Variants in PEBP1 observed in about 807,000 individuals in gnomAD.
PEBP1 encodes the protein phosphatidylethanolamine binding protein 1, also known as phosphatidylethanolamine-binding protein 1.
PEBP1 carries 17 observed loss-of-function variants against 22.7 expected under a neutral mutation model. The observed-to-expected ratio is 0.75, with a 90% CI of 0.51 to 1.12. The LOEUF is 1.12. Among genes scored for constraint, PEBP1 ranks in the 50% most tolerant of loss-of-function variants. PEBP1 has a pLI of 0.00. For synonymous variants in PEBP1, 106 were observed against 104.3 expected, an observed-to-expected ratio of 1.02 and a Z score of -0.10; for missense variants, 205 against 243.5, an observed-to-expected ratio of 0.84 and a Z score of 1.05.
At chr12:118,138,188 G>C (rs1178213722) in intron 2 of PEBP1, 40 bp downstream of exon 2, 2 of 1,360,744 alleles carry the variant, frequency 1.5e-6, no homozygotes, top group South Asian at 1.2e-5. Context: ...GTCATGCAGA[G>C]ATGAGTTATC....
intron 3 of PEBP1, among the ~76,000 whole-genome samples, chr12:118,140,960 G>A (rs376536023): frequency 2.8e-4 from 42 of 152,210 alleles, no homozygotes; most frequent in African/African-American, 9.4e-4. Flanking sequence ...GGTTCAGTCA[G>A]CAAATGTGAT....
intron 2 of PEBP1, among the ~76,000 whole-genome samples, chr12:118,138,627 C>G (rs2034087446): frequency 6.6e-6 from 1 of 152,010 alleles, no homozygotes; most frequent in South Asian, 2.1e-4. Flanking sequence ...AACTCCTGAC[C>G]TCAGGTGATC....
rs1157847032 is a variant in PEBP1, at chr12:118,136,594, G to T, written c.135+250G>T. ...GGCAGAAATTCATTCACTTTTCCCG[G>T]GCTTCAGACCCAAGAGGGACCTAGG... On this transcript the variant is annotated intron_variant, in intron 1 of 3. Transcript: ENST00000261313. The surrounding 1 kb of genome is among the most constrained non-coding windows in gnomAD (Gnocchi z 5.6). Among the ~76,000 whole-genome samples the T allele has an allele frequency of 4.6e-5, 7 of 152,198 alleles. No homozygotes were observed. The highest frequency in any genetic ancestry group is 1.7e-4 in the African/African-American group (7 of 41,446).
rs374392598 is a variant in PEBP1 at position 118,142,826 on chromosome 12, C to CTT, written c.347-1730_347-1729dup. Among the ~76,000 whole-genome samples, 478 of 93,512 alleles carry CTT rather than the reference C, an allele frequency of 5.1e-3. 41 individuals carry two copies. Among genetic ancestry groups the CTT allele is most frequent in the East Asian group, 0.038 (101 of 2,678 alleles). The allele number at this position is 93,512 out of a possible 152,430, so 61.3% of individuals were successfully genotyped here. ...ACTACAGTAGCGTTAACTACATTCA[C>CTT]TTTTTTTTTTTTTTTTTTTTTTTTT... On this transcript the variant is annotated intron_variant, in intron 3 of 3. Coordinates refer to ENST00000261313, the MANE Select transcript of PEBP1 (RefSeq NM_002567.4).
intron 2 of PEBP1, among the ~76,000 whole-genome samples, chr12:118,138,754 T>C (rs974073709): frequency 6.6e-6 from 1 of 152,130 alleles, no homozygotes. Flanking sequence ...TACTTTATGA[T>C]GTGGAAATTA....
At chr12:118,139,311 C>CA (rs35893505) in intron 2 of PEBP1, 140 bp from the exon 3 acceptor site, 14,416 of 441,282 alleles carry the variant, frequency 0.033, 3 homozygotes, top group Non-Finnish European at 0.039. Context: ...GACTCTGTCT[C>CA]AAAAAAAAAA....
In PEBP1 at chr12:118,136,463, C is replaced by T; in HGVS notation, c.135+119C>T. The T allele has an allele frequency of 1.6e-6, 2 of 1,227,934 alleles. No homozygotes were observed. The highest frequency in any genetic ancestry group is 2.7e-5 in the East Asian group (1 of 36,890). 76.1% of individuals were successfully genotyped at this position (1,227,934 alleles called of 1,614,324 possible). On this transcript the variant is annotated intron_variant, in intron 1 of 3. Coordinates refer to ENST00000261313, the MANE Select transcript of PEBP1 (RefSeq NM_002567.4). This position sits in a 1 kb window ranked among gnomAD's most constrained non-coding sequence, Gnocchi z 5.6. ...GTGGGGAGGTTCAGCCTGCGTGTGT[C>T]GAGGCCCCCCCAGGCCAGAGGTCCC...
At position 118,145,372 on chromosome 12, in the gene PEBP1, A is replaced by G. The variant is rs928821515; in HGVS notation, c.*569A>G. The stretch of plus-strand genomic sequence containing the variant: ...GGTCCCTTTAAAGAGCAATCCTGGA[A>G]GAAGCAGGAGGGAGGGTGGCTTTGC... On this transcript the variant is annotated 3_prime_UTR_variant, in exon 4 of 4. Coordinates refer to ENST00000261313, the MANE Select transcript of PEBP1 (RefSeq NM_002567.4). 14 of 184,100 alleles carry G rather than the reference A, an allele frequency of 7.6e-5. No individual in the cohort carries two copies. Among genetic ancestry groups the G allele is most frequent in the African/African-American group, 2.9e-4 (12 of 41,684 alleles). The allele number at this position is 184,100 out of a possible 1,614,324, so 11.4% of individuals were successfully genotyped here. A position where few individuals can be genotyped will look rare whatever the true frequency, so the allele number is the denominator to read the frequency against.
At chr12:118,138,009 T>A (rs1238730775) in intron 1 of PEBP1, 30 bp from the exon 2 acceptor site, 1 of 1,528,818 alleles carries the variant, frequency 6.5e-7, no homozygotes, top group Admixed American at 1.7e-5. Context: ...ATTTCTGACT[T>A]TTTTACTGCA....
rs1437245633 is a variant in PEBP1 at position 118,144,605 on chromosome 12, G to A, written c.366G>A (p.Trp122Ter). 1 of 1,613,510 alleles carries A rather than the reference G, an allele frequency of 6.2e-7. No homozygotes were observed. The highest frequency in any genetic ancestry group is 8.5e-7 in the Non-Finnish European group (1 of 1,179,792). Residue 122 changes from tryptophan (W) to a stop codon, truncating the protein, a stop_gained, in exon 4 of 4, where the codon TGG becomes TGA. Coordinates refer to ENST00000261313, the MANE Select transcript of PEBP1 (RefSeq NM_002567.4). LOFTEE classifies it high-confidence loss of function. ...CCACAGGCCTCCACCGCTATGTCTG[G>A]CTGGTTTACGAGCAGGACAGGCCGC... ...PKGTGLHRYV[W>*]LVYEQDRPLK...
intron 3 of PEBP1, among the ~76,000 whole-genome samples, chr12:118,142,896 G>A (rs1314252912): frequency 7.4e-6 from 1 of 134,660 alleles, no homozygotes; most frequent in Non-Finnish European, 1.5e-5. Flanking sequence ...CTGGAGCACA[G>A]TGGCACGTTT....
rs1334520104 is a variant in PEBP1 at position 118,136,127 on chromosome 12, G to A, written c.-83G>A. 9.4e-6 allele frequency: 14 copies of A among 1,495,090 alleles called. No homozygotes were observed. The highest frequency in any genetic ancestry group is 1.2e-5 in the Non-Finnish European group (13 of 1,114,752). 92.6% of individuals were successfully genotyped at this position (1,495,090 alleles called of 1,614,324 possible). ...TGGGTCTGCGTCTTCCCGAGCCAGT[G>A]TGCTGAGCTCTCCGCGTCGCCTCTG... On this transcript the variant is annotated 5_prime_UTR_variant, in exon 1 of 4. The change creates a new upstream start codon in the 5' untranslated region. Transcript: ENST00000261313. This position sits in a 1 kb window ranked among gnomAD's most constrained non-coding sequence, Gnocchi z 5.6.
At chr12:118,142,095 AG>A (rs1457369973) in intron 3 of PEBP1, among the ~76,000 whole-genome samples, 2 of 152,148 alleles carry the variant, frequency 1.3e-5, no homozygotes, top group Non-Finnish European at 2.9e-5. Context: ...AGTCACACAA[AG>A]ACAAATACCG....
rs1335379381 is a variant in PEBP1, at chr12:118,136,267, C to T, written c.58C>T (p.Gln20Ter). Residue 20 changes from glutamine (Q) to a stop codon, truncating the protein, a stop_gained, in exon 1 of 4, where the codon CAG becomes TAG. Coordinates refer to ENST00000261313, the MANE Select transcript of PEBP1 (RefSeq NM_002567.4). LOFTEE classifies it high-confidence loss of function. The surrounding 1 kb of genome is among the most constrained non-coding windows in gnomAD (Gnocchi z 5.6). ...GPLSLQEVDE[Q>*]PQHPLHVTYA... ...CTTGAGCCTGCAAGAAGTGGACGAG[C>T]AGCCGCAGCACCCGCTGCATGTCAC... 6.5e-6 allele frequency: 10 copies of T among 1,547,162 alleles called. No homozygotes were observed. The highest frequency in any genetic ancestry group is 7.8e-6 in the Non-Finnish European group (9 of 1,146,614).
Position 118,144,783 on chromosome 12 carries a change from G to A in PEBP1, c.544G>A (p.Glu182Lys), listed in dbSNP as rs376661684. ...EWDDYVPKLY[E>K]QLSGK ...GGATGACTATGTGCCCAAACTGTACGAGCAGCTGTCTGGGAAGTAGGGGGT... is the reference window on the plus strand; with the variant it reads ...GGATGACTATGTGCCCAAACTGTACAAGCAGCTGTCTGGGAAGTAGGGGGT... The change falls in exon 4 of 4, where the codon GAG becomes AAG. Residue 182 changes from glutamate to lysine, a missense_variant. Glu to Lys is a moderately conservative substitution (Grantham distance 56). Transcript: ENST00000261313. The A allele has an allele frequency of 2.7e-5, 44 of 1,614,030 alleles. No individual in the cohort carries two copies. The highest frequency in any genetic ancestry group is 3.6e-5 in the Non-Finnish European group (43 of 1,180,032).
rs944343608 is a variant in PEBP1 at position 118,144,598 on chromosome 12, A to G, written c.359A>G (p.Tyr120Cys). Residue 120 changes from tyrosine to cysteine, a missense_variant, in exon 4 of 4, where the codon TAT becomes TGT. Transcript: ENST00000261313. ...CCTCTCCCCACAGGCCTCCACCGCT[A>G]TGTCTGGCTGGTTTACGAGCAGGAC... ...GPPKGTGLHR[Y>C]VWLVYEQDRP... The G allele has an allele frequency of 5.6e-6, 9 of 1,613,090 alleles. No individual in the cohort carries two copies. The highest frequency in any genetic ancestry group is 4.0e-5 in the African/African-American group (3 of 74,832).
At chr12:118,140,632 C>A (rs531900113) in intron 3 of PEBP1, among the ~76,000 whole-genome samples, 2 of 151,734 alleles carry the variant, frequency 1.3e-5, no homozygotes, top group African/African-American at 4.8e-5. Context: ...TCCACCTCCC[C>A]GGTTCATGCC....
intron 3 of PEBP1, among the ~76,000 whole-genome samples, chr12:118,142,530 G>A (rs1221570010): frequency 6.6e-6 from 1 of 151,622 alleles, no homozygotes; most frequent in African/African-American, 2.4e-5. Flanking sequence ...AGGCTGGAGT[G>A]CAGTGGTGTG....
intron 3 of PEBP1, among the ~76,000 whole-genome samples, chr12:118,142,969 C>T (rs150781358): frequency 1.3e-4 from 20 of 151,078 alleles, no homozygotes; most frequent in South Asian, 8.5e-4. Flanking sequence ...CTCAGGCTCC[C>T]GAGAAGCTGG....
Sources: gnomAD v4.1 joint callset for allele counts (sites outside exome capture counted in the v4.1 genomes callset) on GRCh38, gnomAD v4.1.1 for gene constraint, Gnocchi (gnomAD v3.1) non-coding constraint, MANE v1.5 for transcripts, NCBI Gene and HGNC (gene_info 2026-07-23, HGNC 2026-07-21) for gene names.